Variants in HDAC8 observed in about 807,000 individuals in gnomAD.
HDAC8 encodes the protein histone deacetylase 8, also known as histone deacetylase-like 1.
HDAC8 carries 1 observed loss-of-function variant against 32.2 expected under a neutral mutation model. That is an observed-to-expected ratio of 0.03 (90% CI 0.01 to 0.15). The LOEUF is 0.15. Ranked by LOEUF, HDAC8 falls within the 10% of genes least tolerant of loss-of-function variation. The pLI is 1.00. For missense variants in HDAC8, 117 were observed against 300.0 expected (o/e 0.39, Z 4.51); for synonymous variants, 108 against 113.9 (o/e 0.95, Z 0.33).
chrX:72,496,250 G>A (rs1477859101), intron 4 of HDAC8, among the ~76,000 whole-genome samples: 1 of 110,777 alleles, frequency 9.0e-6, no homozygotes, highest in Admixed American at 9.7e-5. Context: ...CCTTCACAAT[G>A]CATAAACTTC....
intron 9 of HDAC8, among the ~76,000 whole-genome samples, chrX:72,423,802 T>G (rs977191007): frequency 8.9e-6 from 1 of 112,151 alleles, no homozygotes; most frequent in East Asian, 2.8e-4. Flanking sequence ...AATTCCATAT[T>G]CACCTGAGAG....
At chrX:72,411,598 G>A (rs2147899838) in intron 9 of HDAC8, among the ~76,000 whole-genome samples, 1 of 112,256 alleles carries the variant, frequency 8.9e-6, no homozygotes, top group African/African-American at 3.2e-5. Flanking sequence ...AGCAAATAGT[G>A]AGAGGTCAAC....
intron 9 of HDAC8, among the ~76,000 whole-genome samples, chrX:72,444,801 CA>C (rs1210467494): frequency 9.4e-6 from 1 of 106,713 alleles, no homozygotes; most frequent in Non-Finnish European, 1.9e-5. Flanking sequence ...TGTCTCAGCC[CA>C]AAATCTCCTT....
intron 9 of HDAC8, among the ~76,000 whole-genome samples, chrX:72,355,000 T>G (rs2147750460): frequency 8.9e-6 from 1 of 111,902 alleles, no homozygotes; most frequent in Non-Finnish European, 1.9e-5. Context: ...GTGAAGCGCT[T>G]AGGGCCGAGA....
intron 2 of HDAC8, 129 bp from the exon 3 acceptor site, chrX:72,569,013 A>G: frequency 1.5e-6 from 1 of 656,058 alleles, no homozygotes; most frequent in Non-Finnish European, 2.3e-6. Flanking sequence ...GGCTGGAGTA[A>G]TAAACATATT....
intron 10 of HDAC8, among the ~76,000 whole-genome samples, chrX:72,335,928 TAACAAC>T (rs1205579004): frequency 6.5e-4 from 67 of 103,519 alleles, no homozygotes; most frequent in Admixed American, 6.2e-4. Flanking sequence ...AAAAAAAAAT[TAACAAC>T]AACAACAACA....
intron 7 of HDAC8, among the ~76,000 whole-genome samples, chrX:72,464,945 T>C (rs2047976430): frequency 8.9e-6 from 1 of 112,009 alleles, no homozygotes. Flanking sequence ...AATTTCCCTC[T>C]ACTTCCACGC....
chrX:72,554,007 T>A lies in HDAC8; in HGVS notation c.437+13882A>T, dbSNP rs189083936. Among the ~76,000 whole-genome samples the A allele has an allele frequency of 3.6e-5, 4 of 112,279 alleles. No homozygotes were observed. The Admixed American group carries it at 3.8e-4, about 11-fold the overall frequency. On this transcript the variant is annotated intron_variant, in intron 4 of 10. Coordinates refer to ENST00000373573, the MANE Select transcript of HDAC8 (RefSeq NM_018486.3). ...TGTTTTTTGTTCATTTATCTGAGTA[T>A]TAGTGTTTAAAAAAATCAATTAGAA...
At chrX:72,534,541 G>A (rs892981047) in intron 4 of HDAC8, among the ~76,000 whole-genome samples, 10 of 110,601 alleles carry the variant, frequency 9.0e-5, no homozygotes, top group African/African-American at 2.6e-4. Context: ...ATTCCTGACC[G>A]CAAGTGATCC....
At chrX:72,468,139 T>G in intron 7 of HDAC8, 1 of 734,709 alleles carries the variant, frequency 1.4e-6, no homozygotes, top group Non-Finnish European at 1.9e-6. Context: ...CACTTTTAAA[T>G]TCAAGACTGG....
Position 72,516,133 on chromosome X carries a change from T to C in HDAC8, c.438-20865A>G, listed in dbSNP as rs149204585. Among the ~76,000 whole-genome samples, 128 of 112,175 alleles carry C rather than the reference T, an allele frequency of 1.1e-3. No homozygotes were observed. The East Asian group carries it at 0.029, about 26-fold the overall frequency. On this transcript the variant is annotated intron_variant, in intron 4 of 10. Transcript: ENST00000373573. ...GATGAGATCTGATGTAAACTATCTT[T>C]TAGTCTATCATTAGTACCAGGCAGA... is the stretch of plus-strand genomic sequence containing the variant.
chrX:72,343,278 T>G (rs1280942696), intron 10 of HDAC8, among the ~76,000 whole-genome samples: 1 of 109,452 alleles, frequency 9.1e-6, no homozygotes, highest in Non-Finnish European at 1.9e-5. Flanking sequence ...CAATTGATCC[T>G]CACATCTCAG....
intron 9 of HDAC8, among the ~76,000 whole-genome samples, chrX:72,414,441 C>T (rs781998852): frequency 7.2e-5 from 8 of 111,315 alleles, no homozygotes; most frequent in Non-Finnish European, 1.3e-4. Flanking sequence ...ATTGTTAGAG[C>T]GAAATAACTA....
intron 4 of HDAC8, among the ~76,000 whole-genome samples, chrX:72,524,710 C>T (rs1317321865): frequency 9.0e-6 from 1 of 111,181 alleles, no homozygotes; most frequent in Non-Finnish European, 1.9e-5. Context: ...AATTCCACGT[C>T]CATGCACAAG....
intron 9 of HDAC8, among the ~76,000 whole-genome samples, chrX:72,445,137 C>G (rs1240253099): frequency 7.2e-5 from 8 of 110,495 alleles, no homozygotes; most frequent in Non-Finnish European, 1.5e-4. Flanking sequence ...AATGCCATCC[C>G]CATCAAGCTA....
At chrX:72,443,862 C>A (rs1361567540) in intron 9 of HDAC8, among the ~76,000 whole-genome samples, 1 of 109,125 alleles carries the variant, frequency 9.2e-6, no homozygotes, top group Admixed American at 9.7e-5. Flanking sequence ...ATATCACCAC[C>A]GATCACACAG....
chrX:72,381,413 A>C (rs781961236), intron 9 of HDAC8, among the ~76,000 whole-genome samples: 4 of 111,376 alleles, frequency 3.6e-5, no homozygotes, highest in Non-Finnish European at 7.5e-5. Flanking sequence ...TCTTTCAGGG[A>C]ACTCACAACT....
At chrX:72,332,565 G>A (rs1195921238) in intron 10 of HDAC8, among the ~76,000 whole-genome samples, 1 of 106,995 alleles carries the variant, frequency 9.3e-6, no homozygotes, top group Non-Finnish European at 1.9e-5. Flanking sequence ...TTTGCTGACT[G>A]TATATCCTTT....
At chrX:72,548,862 G>A (rs2050962091) in intron 4 of HDAC8, among the ~76,000 whole-genome samples, 1 of 111,390 alleles carries the variant, frequency 9.0e-6, no homozygotes, top group Admixed American at 9.5e-5. Context: ...TAGAGATGGA[G>A]TCTCACTATG....
Sources: allele counts gnomAD v4.1 joint callset (sites outside exome capture counted in the v4.1 genomes callset), GRCh38; gene constraint gnomAD v4.1.1; transcripts MANE v1.5; gene names NCBI Gene and HGNC (gene_info 2026-07-23, HGNC 2026-07-21).